The following UBE2E2 variants were observed in gnomAD, a reference collection of about 807,000 sequenced individuals.
UBE2E2 encodes the protein ubiquitin-conjugating enzyme E2 E2.
In UBE2E2, 6 loss-of-function variants were observed where a neutral mutation model predicts 24.7. The observed-to-expected ratio is 0.24, with a 90% CI of 0.13 to 0.48. The LOEUF (loss-of-function observed/expected upper bound fraction) is 0.48, where lower values mean the gene tolerates loss of function less well. Among genes scored for constraint, UBE2E2 ranks in the 20% least tolerant of loss-of-function variants. The pLI is 0.99. For synonymous variants in UBE2E2, 104 were observed against 83.6 expected (o/e 1.24, Z -1.33); for missense variants, 169 against 245.0 (o/e 0.69, Z 2.07).
chr3:23,265,532 C>T (rs943913036), intron 3 of UBE2E2, among the ~76,000 whole-genome samples: 1 of 152,100 alleles, frequency 6.6e-6, no homozygotes, highest in Non-Finnish European at 1.5e-5. Flanking sequence ...AACAGAGAAA[C>T]CATGAATTTT....
At chr3:23,326,145 C>G (rs1452173599) in intron 3 of UBE2E2, among the ~76,000 whole-genome samples, 3 of 152,160 alleles carry the variant, frequency 2.0e-5, no homozygotes, top group African/African-American at 7.2e-5. Context: ...GATCTTGGCT[C>G]ACTGCAACCT....
At chr3:23,435,364 G>A (rs148309042) in intron 3 of UBE2E2, among the ~76,000 whole-genome samples, 1 of 152,308 alleles carries the variant, frequency 6.6e-6, no homozygotes, top group East Asian at 1.9e-4. Flanking sequence ...AAAAAGCTTG[G>A]AGATAAAAGT....
intron 3 of UBE2E2, among the ~76,000 whole-genome samples, chr3:23,370,667 T>C (rs1005948793): frequency 2.0e-5 from 3 of 152,200 alleles, no homozygotes; most frequent in African/African-American, 7.2e-5. Flanking sequence ...GAATTGTGTT[T>C]TGTTATTTAA....
intron 3 of UBE2E2, among the ~76,000 whole-genome samples, chr3:23,483,582 G>C (rs1575659564): frequency 6.6e-6 from 1 of 152,282 alleles, no homozygotes; most frequent in East Asian, 1.9e-4. Context: ...TTCCTATTTA[G>C]AAATTTCCAC....
chr3:23,435,956 G>A (rs1290743003), intron 3 of UBE2E2, among the ~76,000 whole-genome samples: 10 of 152,064 alleles, frequency 6.6e-5, no homozygotes, highest in Admixed American at 1.3e-4. Context: ...ATCATCAAGC[G>A]TTAGTTAGAT....
chr3:23,467,303 A>G (rs953727177), intron 3 of UBE2E2, among the ~76,000 whole-genome samples: 2 of 152,164 alleles, frequency 1.3e-5, no homozygotes, highest in African/African-American at 4.8e-5. Context: ...GTGTTTGAAA[A>G]CAATTTAACT....
intron 3 of UBE2E2, among the ~76,000 whole-genome samples, chr3:23,244,382 T>TTCTTTTAGCAGGTTATGTATG (rs1164683487): frequency 6.6e-6 from 1 of 152,192 alleles, no homozygotes; most frequent in African/African-American, 2.4e-5. Context: ...GTAATACACA[T>TTCTTTTAGCAGGTTATGTATG]TCTTTTAGCA....
chr3:23,424,707 A>T (rs1697883890), intron 3 of UBE2E2, among the ~76,000 whole-genome samples: 1 of 152,134 alleles, frequency 6.6e-6, no homozygotes, highest in Non-Finnish European at 1.5e-5. Context: ...TTTCAGCTGG[A>T]GCTAAGGTAC....
At chr3:23,256,400 A>G (rs1697722502) in intron 3 of UBE2E2, among the ~76,000 whole-genome samples, 1 of 152,236 alleles carries the variant, frequency 6.6e-6, no homozygotes, top group Admixed American at 6.5e-5. Flanking sequence ...CTTTTAAAGG[A>G]TACTCCGTAA....
intron 3 of UBE2E2, among the ~76,000 whole-genome samples, chr3:23,424,119 T>C (rs1225624300): frequency 6.6e-6 from 1 of 152,226 alleles, no homozygotes; most frequent in African/African-American, 2.4e-5. Flanking sequence ...TCTTACTAAA[T>C]TCCACAGTTA....
rs543154064 is a variant in UBE2E2 at position 23,543,394 on chromosome 3, G to T, written c.508+10693G>T. 2.6e-5 allele frequency among the ~76,000 whole-genome samples: 4 copies of T among 152,114 alleles called. No homozygotes were observed. In the South Asian group the frequency reaches 8.3e-4, roughly 31 times the overall value. On this transcript the variant is annotated intron_variant, in intron 5 of 5. Transcript: ENST00000396703. The stretch of plus-strand genomic sequence containing the variant: ...TTACAAAATCAGTGTACACAAATCA[G>T]TAGCATTGCTGTATATCAGCAACAG...
At chr3:23,478,793 C>G (rs1246067908) in intron 3 of UBE2E2, among the ~76,000 whole-genome samples, 1 of 152,040 alleles carries the variant, frequency 6.6e-6, no homozygotes, top group African/African-American at 2.4e-5. Context: ...ATAATCCCAA[C>G]ACTTTGAGTG....
rs954494147 is a variant in UBE2E2 at position 23,274,658 on chromosome 3, C to T, written c.227+57346C>T. On this transcript the variant is annotated intron_variant, in intron 3 of 5. Coordinates refer to ENST00000396703, the MANE Select transcript of UBE2E2 (RefSeq NM_152653.4). ...CTGGGATTACAGGTATGAGCCATCG[C>T]GCCCAGCCTAAGAAACTGATTTTCA... 9.9e-5 allele frequency among the ~76,000 whole-genome samples: 15 copies of T among 152,182 alleles called. 2 individuals carry two copies. The highest frequency in any genetic ancestry group is 5.8e-4 in the East Asian group (3 of 5,180).
chr3:23,585,084 G>T (rs1696587121), intron 5 of UBE2E2, among the ~76,000 whole-genome samples: 2 of 152,080 alleles, frequency 1.3e-5, no homozygotes, highest in Admixed American at 6.6e-5. Flanking sequence ...TAACAAAAAT[G>T]CCATGATGCT....
chr3:23,411,416 C>T (rs530969537), intron 3 of UBE2E2, among the ~76,000 whole-genome samples: 1 of 152,180 alleles, frequency 6.6e-6, no homozygotes, highest in East Asian at 1.9e-4. Context: ...CTCTGATGGT[C>T]CTTTGCCTCT....
At chr3:23,495,109 C>T (rs117414525) in intron 3 of UBE2E2, among the ~76,000 whole-genome samples, 1 of 152,288 alleles carries the variant, frequency 6.6e-6, no homozygotes, top group East Asian at 1.9e-4. Flanking sequence ...TTTGTTGCTA[C>T]TGGCTAAGAT....
chr3:23,298,257 T>C (rs1698969474), intron 3 of UBE2E2, among the ~76,000 whole-genome samples: 1 of 152,156 alleles, frequency 6.6e-6, no homozygotes, highest in African/African-American at 2.4e-5. Context: ...ACTTCCTCTT[T>C]TCCTAATTGA....
At chr3:23,513,777 C>G (rs549075152) in intron 4 of UBE2E2, among the ~76,000 whole-genome samples, 1 of 152,212 alleles carries the variant, frequency 6.6e-6, no homozygotes, top group East Asian at 1.9e-4. Context: ...TTTATAATTG[C>G]TTTCTCTCAT....
At chr3:23,270,410 C>T (rs937981802) in intron 3 of UBE2E2, among the ~76,000 whole-genome samples, 6 of 152,212 alleles carry the variant, frequency 3.9e-5, no homozygotes, top group Non-Finnish European at 2.9e-5. Context: ...ATGAGAGCCC[C>T]ACGGGCCTGG....
Sources: gnomAD v4.1 joint callset for allele counts (sites outside exome capture counted in the v4.1 genomes callset) on GRCh38, gnomAD v4.1.1 for gene constraint, MANE v1.5 for transcripts, NCBI Gene and HGNC (gene_info 2026-07-23, HGNC 2026-07-21) for gene names.